CDX2: variants seen among roughly 807,000 people sequenced by gnomAD.
The protein encoded by CDX2 is homeobox protein CDX-2.
Under a neutral mutation model 25.5 loss-of-function variants are expected in CDX2, and 7 were observed. The observed-to-expected ratio is 0.27, with a 90% CI of 0.16 to 0.52. The LOEUF is 0.52. CDX2 is among the 20% of genes least tolerant of loss of function. CDX2 has a pLI of 0.97. For missense variants in CDX2, 375 were observed against 431.4 expected (o/e 0.87, Z 1.16); for synonymous variants, 222 against 198.6 (o/e 1.12, Z -0.99).
At position 27,963,142 on chromosome 13, in the gene CDX2, C is replaced by T. The variant is rs954978040; in HGVS notation, c.915G>A (p.Gly305=). The change falls in exon 3 of 3, where the codon GGG becomes GGA. Residue 305 remains glycine, a synonymous_variant. Transcript: ENST00000381020. The part of the protein sequence containing the change: ...SVPGVLGPTG[G]VLNPTVTQ ...ACTGGGTGACGGTGGGGTTTAGCAC[C>T]CCCCCAGTTGGCCCCAGAACCCCAG... is the stretch of plus-strand genomic sequence containing the variant. The T allele has an allele frequency of 1.2e-6, 2 of 1,613,818 alleles. No homozygotes were observed. Among genetic ancestry groups the T allele is most frequent in the Non-Finnish European group, 1.7e-6 (2 of 1,179,832 alleles).
rs1285569828 is a variant in CDX2, at chr13:27,968,895, G to T, written c.112C>A (p.Pro38Thr). 2 of 1,607,524 alleles carry T rather than the reference G, an allele frequency of 1.2e-6. No homozygotes were observed. Among genetic ancestry groups the T allele is most frequent in the Admixed American group, 1.7e-5 (1 of 59,468 alleles). ...PQNFVSPPQY[P>T]DYGGYHVAAA... Reference sequence around the variant, plus strand: ...GCCACGTGGTAACCGCCGTAGTCCGGGTACTGCGGGGGGCTGACGAAGTTC... The same window carrying T: ...GCCACGTGGTAACCGCCGTAGTCCGTGTACTGCGGGGGGCTGACGAAGTTC... Residue 38 changes from proline to threonine, a missense_variant, in exon 1 of 3, where the codon CCG becomes ACG. By Grantham distance (38) the Pro-to-Thr change is conservative. Coordinates refer to ENST00000381020, the MANE Select transcript of CDX2 (RefSeq NM_001265.6).
At position 27,968,801 on chromosome 13, in the gene CDX2, T is replaced by G; in HGVS notation, c.206A>C (p.Tyr69Ser). Residue 69 changes from tyrosine to serine, a missense_variant, in exon 1 of 3, where the codon TAT (tyrosine) becomes TCT (serine). Coordinates refer to ENST00000381020, the MANE Select transcript of CDX2 (RefSeq NM_001265.6). ...QSPGPSWPAA[Y>S]GAPLREDWNG... ...CCAGTCCTCCCGGAGTGGGGCGCCA[T>G]ACGCTGCCGGCCAGGATGGCCCCGG... 1.3e-6 allele frequency: 2 copies of G among 1,531,646 alleles called. No homozygotes were observed. Among genetic ancestry groups the G allele is most frequent in the Non-Finnish European group, 1.8e-6 (2 of 1,142,546 alleles). The allele number at this position is 1,531,646 out of a possible 1,614,324, so 94.9% of individuals were successfully genotyped here.
In CDX2 at chr13:27,968,565, C is replaced by T. The variant is rs1223507326; in HGVS notation, c.442G>A (p.Ala148Thr). 1.3e-6 allele frequency: 2 copies of T among 1,566,262 alleles called. No individual in the cohort carries two copies. The highest frequency in any genetic ancestry group is 1.4e-5 in the African/African-American group (1 of 71,002). The stretch of plus-strand genomic sequence containing the variant: ...AGCTGCTCGGCGGCAGCGGTGGCGG[C>T]GGGCCCAGGAGGGCCGGGGTTGAGC... The part of the protein sequence containing the change: ...QTLNPGPPGP[A>T]ATAAAEQLSP... The change falls in exon 1 of 3, where the codon GCC becomes ACC. Residue 148 changes from alanine (A) to threonine (T), a missense_variant. Ala to Thr is a moderately conservative substitution (Grantham distance 58). Around this residue, in one of 3 missense-constraint regions of CDX2, gnomAD observed 253 missense variants for 247.5 expected, o/e 1.02. Coordinates refer to ENST00000381020, the MANE Select transcript of CDX2 (RefSeq NM_001265.6).
Position 27,962,784 on chromosome 13 carries a change from A to T in CDX2, c.*331T>A. The stretch of plus-strand genomic sequence containing the variant: ...AGGTGCAGCCTGCAGATCTAGGAAG[A>T]GAAGAGCTGGGGAGGAGGATGAAGG... On this transcript the variant is annotated 3_prime_UTR_variant, in exon 3 of 3. Transcript: ENST00000381020. 3.6e-6 allele frequency: 1 copy of T among 280,546 alleles called. No individual in the cohort carries two copies. The highest frequency in any genetic ancestry group is 6.7e-6 in the Non-Finnish European group (1 of 150,006). 17.4% of individuals were successfully genotyped at this position (280,546 alleles called of 1,614,324 possible).
At position 27,962,817 on chromosome 13, in the gene CDX2, G is replaced by C. The variant is rs1002673154; in HGVS notation, c.*298C>G. The C allele has an allele frequency of 2.1e-5, 7 of 329,678 alleles. No individual in the cohort carries two copies. The highest frequency in any genetic ancestry group is 3.3e-5 in the Non-Finnish European group (6 of 180,800). The allele number at this position is 329,678 out of a possible 1,614,324, so 20.4% of individuals were successfully genotyped here. A position where few individuals can be genotyped will look rare whatever the true frequency, so the allele number is the denominator to read the frequency against. On this transcript the variant is annotated 3_prime_UTR_variant, in exon 3 of 3. Transcript: ENST00000381020. ...TGGGGAGGAGGATGAAGGCCTGGTT[G>C]GTGTGGTCAGTCCAGGCAATGCTTC...
In CDX2 at chr13:27,963,624, T is replaced by G. The variant is rs190014388; in HGVS notation, c.688-255A>C. ...TCAAAGCAACTTTTATCTACGTATT[T>G]ACTGCAAAAGTTTAAAGTCTCAGAA... On this transcript the variant is annotated intron_variant, in intron 2 of 2. Transcript: ENST00000381020. Among the ~76,000 whole-genome samples the G allele has an allele frequency of 1.4e-4, 21 of 152,338 alleles. 1 individual carries two copies. The East Asian group carries it at 4.0e-3, about 29-fold the overall frequency.
chr13:27,964,262 G>A lies in CDX2; in HGVS notation c.687+608C>T, dbSNP rs1869203121. ...TAAAAATACAAAATTAGCCGGGCGT[G>A]GTGGCACATGCCTGTAGTCCCAGCT... On this transcript the variant is annotated intron_variant, in intron 2 of 2. Transcript: ENST00000381020. The surrounding 1 kb of genome is among the most constrained non-coding windows in gnomAD (Gnocchi z 4.7). 1.3e-5 allele frequency among the ~76,000 whole-genome samples: 2 copies of A among 152,188 alleles called. No homozygotes were observed. Among genetic ancestry groups the A allele is most frequent in the Admixed American group, 1.3e-4 (2 of 15,276 alleles).
Position 27,963,064 on chromosome 13 carries a change from G to A in CDX2, c.*51C>T, listed in dbSNP as rs376400533. ...TCCTGAGGAGTCTAGCAGAGTCCAC[G>A]CTCCTCATGGCTCAGCCTGGAATTG... On this transcript the variant is annotated 3_prime_UTR_variant, in exon 3 of 3. Transcript: ENST00000381020. The A allele has an allele frequency of 2.4e-5, 38 of 1,565,288 alleles. No individual in the cohort carries two copies. The highest frequency in any genetic ancestry group is 1.9e-4 in the South Asian group (16 of 82,778).
chr13:27,967,316 G>A, intron 1 of CDX2: 1 of 517,300 alleles, frequency 1.9e-6, no homozygotes, highest in South Asian at 1.5e-5. Flanking sequence ...ACTCTCCCTA[G>A]CATGTGCACA....
At chr13:27,965,470 G>A (rs907578482) in intron 1 of CDX2, among the ~76,000 whole-genome samples, 2 of 152,132 alleles carry the variant, frequency 1.3e-5, no homozygotes, top group Non-Finnish European at 2.9e-5. Flanking sequence ...GGGTGTGGGG[G>A]TTACTACTTT....
intron 1 of CDX2, among the ~76,000 whole-genome samples, chr13:27,968,137 G>A (rs1006674960): frequency 6.6e-6 from 1 of 152,244 alleles, no homozygotes; most frequent in African/African-American, 2.4e-5. Flanking sequence ...GCCGGAGGAC[G>A]CGATTCTGCC....
Position 27,963,021 on chromosome 13 carries a change from T to A in CDX2, c.*94A>T. 1 of 1,292,422 alleles carries A rather than the reference T, an allele frequency of 7.7e-7. No homozygotes were observed. 80.1% of individuals were successfully genotyped at this position (1,292,422 alleles called of 1,614,324 possible). A position where few individuals can be genotyped will look rare whatever the true frequency, so the allele number is the denominator to read the frequency against. On this transcript the variant is annotated 3_prime_UTR_variant, in exon 3 of 3. Coordinates refer to ENST00000381020, the MANE Select transcript of CDX2 (RefSeq NM_001265.6). ...AGGTCTGTAGGTCTATGGCTGTGGG[T>A]GGGAGGGGAGGGGTCTCTCCTGAGG... is the stretch of plus-strand genomic sequence containing the variant.
chr13:27,965,072 G>T, intron 1 of CDX2, 57 bp from the exon 2 acceptor site: 2 of 1,567,414 alleles, frequency 1.3e-6, no homozygotes, highest in Non-Finnish European at 1.7e-6. Flanking sequence ...TCAGTCATGG[G>T]TAATGACAAA....
chr13:27,968,373 C>A (rs930861468), intron 1 of CDX2, 93 bp downstream of exon 1: 21 of 1,344,228 alleles, frequency 1.6e-5, no homozygotes, highest in East Asian at 3.0e-5. Context: ...GCCCGGGACG[C>A]CCCTGTGCGC....
chr13:27,968,372 G>T, intron 1 of CDX2, 94 bp downstream of exon 1: 1 of 1,327,990 alleles, frequency 7.5e-7, no homozygotes, highest in Non-Finnish European at 9.6e-7. Context: ...AGCCCGGGAC[G>T]CCCCTGTGCG....
At chr13:27,966,798 G>A (rs1465624714) in intron 1 of CDX2, among the ~76,000 whole-genome samples, 1 of 152,118 alleles carries the variant, frequency 6.6e-6, no homozygotes, top group Non-Finnish European at 1.5e-5. Flanking sequence ...CCCTCTTTCC[G>A]GGCCCTAAAA....
Position 27,963,049 on chromosome 13 carries a change from T to A in CDX2, c.*66A>T. On this transcript the variant is annotated 3_prime_UTR_variant, in exon 3 of 3. Coordinates refer to ENST00000381020, the MANE Select transcript of CDX2 (RefSeq NM_001265.6). ...GAGGGGAGGGGTCTCTCCTGAGGAG[T>A]CTAGCAGAGTCCACGCTCCTCATGG... 3 of 1,542,480 alleles carry A rather than the reference T, an allele frequency of 1.9e-6. No homozygotes were observed. The highest frequency in any genetic ancestry group is 2.6e-6 in the Non-Finnish European group (3 of 1,143,608).
rs955468899 is a variant in CDX2, at chr13:27,961,741, C to G, written c.*1374G>C. Among the ~76,000 whole-genome samples the G allele has an allele frequency of 1.3e-5, 2 of 151,974 alleles. No individual in the cohort carries two copies. Among genetic ancestry groups the G allele is most frequent in the Non-Finnish European group, 2.9e-5 (2 of 68,016 alleles). On this transcript the variant is annotated 3_prime_UTR_variant, in exon 3 of 3. Transcript: ENST00000381020. ...ACGTTTAACTAGCTGGGTTGTGGGG[C>G]GTCCTTAGGAGGGAGTCACTGCAGA...
In CDX2 at chr13:27,964,355, C is replaced by T. The variant is rs113545693; in HGVS notation, c.687+515G>A. On this transcript the variant is annotated intron_variant, in intron 2 of 2. Coordinates refer to ENST00000381020, the MANE Select transcript of CDX2 (RefSeq NM_001265.6). This position sits in a 1 kb window ranked among gnomAD's most constrained non-coding sequence, Gnocchi z 4.7. ...CAGAGGTTGCAGTGAGCTGAGACCGCGCCATTGCACTTCAGCCTGCACAAC... is the reference window on the plus strand; with the variant it reads ...CAGAGGTTGCAGTGAGCTGAGACCGTGCCATTGCACTTCAGCCTGCACAAC... 5.9e-5 allele frequency among the ~76,000 whole-genome samples: 9 copies of T among 152,020 alleles called. No homozygotes were observed. Among genetic ancestry groups the T allele is most frequent in the African/African-American group, 1.9e-4 (8 of 41,418 alleles).
Sources: allele counts gnomAD v4.1 joint callset (sites outside exome capture counted in the v4.1 genomes callset), GRCh38; gene constraint gnomAD v4.1.1; regional missense constraint gnomAD v4.1.1; non-coding constraint Gnocchi (gnomAD v3.1); transcripts MANE v1.5; gene names NCBI Gene and HGNC (gene_info 2026-07-23, HGNC 2026-07-21).